INPP5A: variants seen among roughly 807,000 people sequenced by gnomAD.
INPP5A encodes the protein inositol polyphosphate-5-phosphatase A.
In INPP5A, 14 loss-of-function variants were observed where a neutral mutation model predicts 65.2. The observed-to-expected ratio is 0.21, with a 90% confidence interval of 0.14 to 0.34. The LOEUF (loss-of-function observed/expected upper bound fraction) is 0.34. INPP5A is among the 10% of genes least tolerant of loss of function. The pLI is 1.00. For synonymous variants in INPP5A, 207 were observed against 208.3 expected (o/e 0.99, Z 0.05); for missense variants, 431 against 545.6 (o/e 0.79, Z 2.09).
chr10:132,575,763 G>T lies in INPP5A; in HGVS notation c.76-32152G>T, dbSNP rs991021734. 6.6e-6 allele frequency among the ~76,000 whole-genome samples: 1 copy of T among 152,128 alleles called. No individual in the cohort carries two copies. Among genetic ancestry groups the T allele is most frequent in the Non-Finnish European group, 1.5e-5 (1 of 68,014 alleles). On this transcript the variant is annotated intron_variant, in intron 1 of 15. Transcript: ENST00000368594. This position sits in a 1 kb window ranked among gnomAD's most constrained non-coding sequence, Gnocchi z 5.4. Reference sequence around the variant, plus strand: ...TGTGTCCCTCTGGCCGTGGGCTCCCGCGTGGTGTGTGCGGCCCAGGGCCCT... The same window carrying T: ...TGTGTCCCTCTGGCCGTGGGCTCCCTCGTGGTGTGTGCGGCCCAGGGCCCT...
intron 1 of INPP5A, among the ~76,000 whole-genome samples, chr10:132,544,770 G>A (rs73395328): frequency 9.2e-5 from 14 of 152,160 alleles, no homozygotes; most frequent in African/African-American, 2.4e-4. Context: ...CATTTGGGAC[G>A]CAGCAGGCTG....
At chr10:132,646,648 C>T (rs949427068) in intron 3 of INPP5A, among the ~76,000 whole-genome samples, 1 of 152,220 alleles carries the variant, frequency 6.6e-6, no homozygotes, top group Non-Finnish European at 1.5e-5. Context: ...GGCACATTCC[C>T]ATGTTGGGGG....
chr10:132,726,469 G>A (rs372066234), intron 8 of INPP5A, among the ~76,000 whole-genome samples: 28 of 152,148 alleles, frequency 1.8e-4, no homozygotes, highest in African/African-American at 6.8e-4. Flanking sequence ...ATCCTTGTCC[G>A]GCCCTTTCCC....
chr10:132,682,915 A>G (rs1326961746), intron 4 of INPP5A, among the ~76,000 whole-genome samples: 1 of 151,686 alleles, frequency 6.6e-6, no homozygotes, highest in Non-Finnish European at 1.5e-5. Flanking sequence ...GTGTGATCCT[A>G]TGTGGCGGGC....
intron 5 of INPP5A, among the ~76,000 whole-genome samples, chr10:132,692,044 CG>C (rs559273261): frequency 1.3e-5 from 2 of 151,942 alleles, no homozygotes; most frequent in Non-Finnish European, 2.9e-5. Flanking sequence ...TCAGCGCAGT[CG>C]GGGGGCCTCG....
intron 2 of INPP5A, among the ~76,000 whole-genome samples, chr10:132,645,358 C>T (rs1385826373): frequency 6.6e-6 from 1 of 152,222 alleles, no homozygotes; most frequent in African/African-American, 2.4e-5. Context: ...TGCCTGGCTC[C>T]TACACACGTG....
In INPP5A at chr10:132,678,331, C is replaced by T. The variant is rs531338845; in HGVS notation, c.307-12061C>T. On this transcript the variant is annotated intron_variant, in intron 4 of 15. Transcript: ENST00000368594. The surrounding 1 kb of genome is among the most constrained non-coding windows in gnomAD (Gnocchi z 4.1). The stretch of plus-strand genomic sequence containing the variant: ...AGCGCTACATTGATTTAAACAAAAG[C>T]TTTGTTTCATTTATTATTGTTTATA... Among the ~76,000 whole-genome samples the T allele has an allele frequency of 6.6e-6, 1 of 152,180 alleles. No homozygotes were observed. Among genetic ancestry groups the T allele is most frequent in the Non-Finnish European group, 1.5e-5 (1 of 68,008 alleles).
intron 12 of INPP5A, among the ~76,000 whole-genome samples, chr10:132,775,374 C>T (rs1383282239): frequency 1.3e-5 from 2 of 152,026 alleles, no homozygotes; most frequent in Non-Finnish European, 2.9e-5. Context: ...AGCCCACATG[C>T]CTGGCACTCC....
At chr10:132,594,248 G>A (rs892992752) in intron 1 of INPP5A, among the ~76,000 whole-genome samples, 2 of 152,064 alleles carry the variant, frequency 1.3e-5, no homozygotes, top group East Asian at 3.8e-4. Flanking sequence ...CTCTAACCGC[G>A]TGTGATTATT....
intron 8 of INPP5A, among the ~76,000 whole-genome samples, chr10:132,723,978 A>G (rs1161781801): frequency 6.6e-6 from 1 of 152,206 alleles, no homozygotes; most frequent in East Asian, 1.9e-4. Flanking sequence ...TACAACTGAG[A>G]TTTAACCTAA....
chr10:132,633,207 G>A (rs2072297272), intron 2 of INPP5A, among the ~76,000 whole-genome samples: 1 of 152,224 alleles, frequency 6.6e-6, no homozygotes, highest in Non-Finnish European at 1.5e-5. Context: ...CTCAGCCCCT[G>A]CCTGGCTCCC....
chr10:132,767,812 C>CTG (rs111993537), intron 12 of INPP5A, among the ~76,000 whole-genome samples: 21 of 95,536 alleles, frequency 2.2e-4, no homozygotes, highest in African/African-American at 3.0e-4. Context: ...GGTGCCCACG[C>CTG]GCCCAGTGGC....
intron 1 of INPP5A, among the ~76,000 whole-genome samples, chr10:132,580,775 T>G (rs2071472991): frequency 6.6e-6 from 1 of 152,278 alleles, no homozygotes; most frequent in African/African-American, 2.4e-5. Flanking sequence ...CATTTTCCTC[T>G]GTCCATCAGT....
intron 13 of INPP5A, among the ~76,000 whole-genome samples, chr10:132,780,403 A>G (rs1353480270): frequency 6.6e-6 from 1 of 152,252 alleles, no homozygotes; most frequent in Non-Finnish European, 1.5e-5. Context: ...AAAACAAATC[A>G]AAGTGGGAAG....
intron 1 of INPP5A, among the ~76,000 whole-genome samples, chr10:132,548,148 C>T (rs755886580): frequency 2.6e-5 from 4 of 151,984 alleles, no homozygotes; most frequent in Admixed American, 6.5e-5. Context: ...GTGATCTGCC[C>T]GCATTATAGG....
chr10:132,620,450 C>G (rs1422717466), intron 2 of INPP5A, among the ~76,000 whole-genome samples: 5 of 152,134 alleles, frequency 3.3e-5, no homozygotes, highest in Non-Finnish European at 7.3e-5. Flanking sequence ...AGCAGCCAGG[C>G]CACATCTTTC....
At chr10:132,694,208 A>T in intron 5 of INPP5A, among the ~76,000 whole-genome samples, 1 of 152,266 alleles carries the variant, frequency 6.6e-6, no homozygotes, top group East Asian at 1.9e-4. Context: ...TTAAACCAGA[A>T]ATCAGCACCA....
chr10:132,738,531 C>A (rs551771609), intron 9 of INPP5A, among the ~76,000 whole-genome samples: 1 of 152,226 alleles, frequency 6.6e-6, no homozygotes, highest in South Asian at 2.1e-4. Context: ...TGGAGCCACC[C>A]CTGGGCCCAG....
chr10:132,586,812 T>C (rs1310113380), intron 1 of INPP5A, among the ~76,000 whole-genome samples: 2 of 152,244 alleles, frequency 1.3e-5, no homozygotes, highest in Non-Finnish European at 2.9e-5. Context: ...GAAACATGCA[T>C]GCATGTCAGG....
Sources: allele counts gnomAD v4.1 joint callset (sites outside exome capture counted in the v4.1 genomes callset), GRCh38; gene constraint gnomAD v4.1.1; non-coding constraint Gnocchi (gnomAD v3.1); transcripts MANE v1.5; gene names NCBI Gene and HGNC (gene_info 2026-07-23, HGNC 2026-07-21).